Variants in DYSF observed in about 807,000 individuals in gnomAD.
DYSF encodes the protein dysferlin, also known as dystrophy-associated fer-1-like 1.
A neutral mutation model predicts 274.9 loss-of-function variants in DYSF; 212 were observed. The ratio of observed to expected loss-of-function variants is 0.77; its 90% CI spans 0.69 to 0.86. The LOEUF (loss-of-function observed/expected upper bound fraction) is 0.86. Ranked by LOEUF, DYSF falls within the 40% of genes least tolerant of loss-of-function variation. The probability of loss-of-function intolerance (pLI) is 0.00; values close to 1 mark genes in which losing one functional copy is unlikely to be tolerated. For synonymous variants in DYSF, 1,091 were observed against 1,078.7 expected (o/e 1.01, Z -0.22); for missense variants, 2,666 against 2,783.2 (o/e 0.96, Z 0.95).
At chr2:71,657,871 T>G (rs1339926536) in intron 43 of DYSF, among the ~76,000 whole-genome samples, 1 of 152,164 alleles carries the variant, frequency 6.6e-6, no homozygotes, top group East Asian at 1.9e-4. Context: ...GGGGCTGCTG[T>G]GAAGATCTCT....
intron 1 of DYSF, among the ~76,000 whole-genome samples, chr2:71,472,660 C>G (rs2152660104): frequency 6.6e-6 from 1 of 152,350 alleles, no homozygotes; most frequent in Middle Eastern, 3.4e-3. Context: ...CCCGCCTTGG[C>G]CTCCCAAAGT....
chr2:71,526,286 G>GA lies in DYSF; in HGVS notation c.1216_1217insA (p.Val406AspfsTer38). On this transcript the variant is annotated frameshift_variant, in exon 13 of 56. Transcript: ENST00000410020. LOFTEE classifies it high-confidence loss of function. ...AAGCAACCTGCTCCGGCCCACAGGC[G>GA]TAGCCCTGCGAGGAGCCCACTTCTG... 4 of 1,614,230 alleles carry GA rather than the reference G, an allele frequency of 2.5e-6. No homozygotes were observed. Among genetic ancestry groups the GA allele is most frequent in the Non-Finnish European group, 3.4e-6 (4 of 1,180,038 alleles).
chr2:71,601,513 T>C lies in DYSF; in HGVS notation c.3912T>C (p.His1304=), dbSNP rs2093550929. The C allele has an allele frequency of 9.3e-6, 15 of 1,614,184 alleles. No homozygotes were observed. Among genetic ancestry groups the C allele is most frequent in the Non-Finnish European group, 1.3e-5 (15 of 1,180,036 alleles). ...LIQREKPAIH[H]IPGFEVQETS... ...CTTCACTCCAGCCGGCCATCCACCA[T>C]ATTCCTGGTTTTGAGGTAAGTCTTG... is the stretch of plus-strand genomic sequence containing the variant. The change falls in exon 35 of 56, where the codon CAT becomes CAC. Residue 1304 remains histidine, a synonymous_variant. Coordinates refer to ENST00000410020, the MANE Select transcript of DYSF (RefSeq NM_001130987.2).
At chr2:71,539,707 C>T (rs1442713278) in intron 17 of DYSF, among the ~76,000 whole-genome samples, 1 of 152,052 alleles carries the variant, frequency 6.6e-6, no homozygotes, top group East Asian at 1.9e-4. Context: ...ATTAGCACTC[C>T]GAGACCTTTC....
intron 1 of DYSF, among the ~76,000 whole-genome samples, chr2:71,459,148 T>C (rs1027526719): frequency 2.6e-5 from 4 of 152,204 alleles, no homozygotes; most frequent in African/African-American, 9.7e-5. Flanking sequence ...CCTTTGGACA[T>C]TGACAAATAT....
intron 30 of DYSF, chr2:71,577,060 G>A (rs1179135500): frequency 6.5e-6 from 1 of 152,792 alleles, no homozygotes; most frequent in Non-Finnish European, 1.5e-5. Context: ...AACCAGAAAG[G>A]GAGGCGGTGG....
chr2:71,515,304 G>C (rs567999276), intron 7 of DYSF, among the ~76,000 whole-genome samples: 1 of 152,252 alleles, frequency 6.6e-6, no homozygotes, highest in Non-Finnish European at 1.5e-5. Context: ...AGTATCAATG[G>C]GGTCTCGGGT....
intron 17 of DYSF, among the ~76,000 whole-genome samples, chr2:71,545,130 C>T (rs1338475082): frequency 6.6e-6 from 1 of 152,092 alleles, no homozygotes; most frequent in African/African-American, 2.4e-5. Context: ...AGAGGGGAAG[C>T]CACCGGCACG....
intron 41 of DYSF, among the ~76,000 whole-genome samples, chr2:71,628,412 A>G (rs541173921): frequency 1.2e-4 from 14 of 118,742 alleles, no homozygotes; most frequent in African/African-American, 4.0e-4. Flanking sequence ...CTATATTCAC[A>G]TTTACTTTTT....
intron 41 of DYSF, among the ~76,000 whole-genome samples, chr2:71,640,506 G>A (rs72829449): frequency 0.048 from 7,316 of 152,206 alleles, 249 homozygotes; most frequent in Non-Finnish European, 0.071. Context: ...GCTGAAACCT[G>A]CTACAAAATA....
rs571811866 is a variant in DYSF at position 71,582,148 on chromosome 2, A to G, written c.3403-7445A>G. Among the ~76,000 whole-genome samples the G allele has an allele frequency of 2.0e-5, 3 of 147,232 alleles. No homozygotes were observed. In the Admixed American group the frequency reaches 2.1e-4, roughly 10 times the overall value. Reference sequence around the variant, plus strand: ...AAAAAAAAAAAGGCTTTATTGGCACATAGCTGGTACTCATTCACCTATGTA... The same window carrying G: ...AAAAAAAAAAAGGCTTTATTGGCACGTAGCTGGTACTCATTCACCTATGTA... On this transcript the variant is annotated intron_variant, in intron 30 of 55. Transcript: ENST00000410020.
intron 46 of DYSF, 56 bp from the exon 47 acceptor site, chr2:71,665,106 C>T (rs1333938512): frequency 6.2e-7 from 1 of 1,610,346 alleles, no homozygotes; most frequent in Non-Finnish European, 8.5e-7. Flanking sequence ...GCATGCCCCT[C>T]TACCCTCATG....
In DYSF at chr2:71,553,148, G is replaced by C; in HGVS notation, c.1944G>C (p.Pro648=). 6.2e-7 allele frequency: 1 copy of C among 1,614,074 alleles called. No homozygotes were observed. The highest frequency in any genetic ancestry group is 8.5e-7 in the Non-Finnish European group (1 of 1,180,028). Residue 648 remains proline (P), a synonymous_variant, in exon 20 of 56, where the codon CCG becomes CCC. Transcript: ENST00000410020. Reference sequence around the variant, plus strand: ...ACAAGTTCGACATGACCTGCCTGCCGCTGGCCTCCACCACTCAGTACAGCC... The same window carrying C: ...ACAAGTTCGACATGACCTGCCTGCCCCTGGCCTCCACCACTCAGTACAGCC... ...YGNKFDMTCL[P]LASTTQYSRA...
chr2:71,553,264 C>A (rs2091090298), intron 20 of DYSF, 76 bp downstream of exon 20: 5 of 1,599,746 alleles, frequency 3.1e-6, no homozygotes, highest in Non-Finnish European at 4.3e-6. Context: ...TCCCGCCTCC[C>A]ATGGAAAGCT....
At chr2:71,601,870 A>G (rs1457561540) in intron 35 of DYSF, among the ~76,000 whole-genome samples, 1 of 152,202 alleles carries the variant, frequency 6.6e-6, no homozygotes, top group Non-Finnish European at 1.5e-5. Flanking sequence ...ACTGAGAATC[A>G]CTGACTTAGC....
In DYSF at chr2:71,663,946, C is replaced by T. The variant is rs202101491; in HGVS notation, c.5004-322C>T. Among the ~76,000 whole-genome samples the T allele has an allele frequency of 7.2e-5, 11 of 152,336 alleles. No homozygotes were observed. In the East Asian group the frequency reaches 1.7e-3, roughly 24 times the overall value. ...GGCCCCTGGCTCTGGAGTTTCACAT[C>T]TCTTGCATCTGTTGTCTCCTGGTGT... On this transcript the variant is annotated intron_variant, in intron 45 of 55. Coordinates refer to ENST00000410020, the MANE Select transcript of DYSF (RefSeq NM_001130987.2).
intron 14 of DYSF, among the ~76,000 whole-genome samples, chr2:71,530,798 CT>C (rs1352804016): frequency 6.6e-6 from 1 of 152,182 alleles, no homozygotes; most frequent in Admixed American, 6.5e-5. Context: ...CTGTCCCTCT[CT>C]TTTAGCCTGC....
rs1365213508 is a variant in DYSF, at chr2:71,571,044, C to G, written c.3228+303C>G. 73 of 438,158 alleles carry G rather than the reference C, an allele frequency of 1.7e-4. No individual in the cohort carries two copies. In the African/African-American group the frequency reaches 2.0e-3, roughly 12 times the overall value. 27.1% of individuals were successfully genotyped at this position (438,158 alleles called of 1,614,324 possible). Reference sequence around the variant, plus strand: ...ACTCAGCACACACACAGATTACACCCAGCACACACACAGATCACACCCAGC... The same window carrying G: ...ACTCAGCACACACACAGATTACACCGAGCACACACACAGATCACACCCAGC... On this transcript the variant is annotated intron_variant, in intron 29 of 55. Transcript: ENST00000410020.
At chr2:71,548,430 C>A (rs1179149606) in intron 17 of DYSF, among the ~76,000 whole-genome samples, 1 of 152,146 alleles carries the variant, frequency 6.6e-6, no homozygotes, top group African/African-American at 2.4e-5. Context: ...CAACCACATC[C>A]CGGGTGTGCA....
Sources: allele counts gnomAD v4.1 joint callset (sites outside exome capture counted in the v4.1 genomes callset), GRCh38; gene constraint gnomAD v4.1.1; transcripts MANE v1.5; gene names NCBI Gene and HGNC (gene_info 2026-07-23, HGNC 2026-07-21).